Variants in POM121C observed in about 807,000 individuals in gnomAD.
POM121C encodes the protein POM121 transmembrane nucleoporin C, also known as nuclear envelope pore membrane protein POM 121C.
A neutral mutation model predicts 66.4 loss-of-function variants in POM121C; 20 were observed. That is an observed-to-expected ratio of 0.30 (90% CI 0.21 to 0.44). The LOEUF (loss-of-function observed/expected upper bound fraction) is 0.44, where lower values mean the gene tolerates loss of function less well. POM121C is among the 20% of genes least tolerant of loss of function. The pLI, the probability that POM121C is intolerant of heterozygous loss-of-function variation, is 1.00. For missense variants in POM121C, 580 were observed against 1,225.7 expected (o/e 0.47, Z 7.87); for synonymous variants, 286 against 528.0 (o/e 0.54, Z 6.28).
chr7:75,484,991 A>G (rs1313067880), intron 1 of POM121C, among the ~76,000 whole-genome samples: 1 of 151,242 alleles, frequency 6.6e-6, no homozygotes, highest in Non-Finnish European at 1.5e-5. Context: ...GGGACCACAG[A>G]TGCATCCCAG....
At chr7:75,446,726 T>C (rs1173561467) in intron 3 of POM121C, among the ~76,000 whole-genome samples, 3 of 151,766 alleles carry the variant, frequency 2.0e-5, no homozygotes, top group Admixed American at 1.3e-4. Flanking sequence ...GAATAAAAAA[T>C]TGGCTGGGCG....
In POM121C at chr7:75,416,976, G is replaced by A. The variant is rs1379707110; in HGVS notation, c.*1820C>T. The A allele has an allele frequency of 1.3e-5, 18 of 1,350,320 alleles. No individual in the cohort carries two copies. Among genetic ancestry groups the A allele is most frequent in the Admixed American group, 6.3e-5 (2 of 31,704 alleles). 83.6% of individuals were successfully genotyped at this position (1,350,320 alleles called of 1,614,324 possible). A position where few individuals can be genotyped will look rare whatever the true frequency, so the allele number is the denominator to read the frequency against. ...CACTCTCACTCAGGGTTCCCGGACC[G>A]GCTGTCCTGCCTGCGGAACTGAGGT... is the stretch of plus-strand genomic sequence containing the variant. On this transcript the variant is annotated 3_prime_UTR_variant, in exon 15 of 15. Coordinates refer to ENST00000615331, the MANE Select transcript of POM121C (RefSeq NM_001099415.3).
rs2116326261 is a variant in POM121C, at chr7:75,421,889, G to T, written c.2363C>A (p.Ala788Asp). 6.2e-7 allele frequency: 1 copy of T among 1,612,388 alleles called. No individual in the cohort carries two copies. The highest frequency in any genetic ancestry group is 1.1e-5 in the South Asian group (1 of 91,044). ...KATASAFGAPASSQPAFGGST... is the reference protein window; with the variant it reads ...KATASAFGAPDSSQPAFGGST... ...GCCGCCAAAGGCGGGCTGTGAGCTG[G>T]CGGGAGCGCCGAAGGCGGAAGCCGT... Residue 788 changes from alanine (A) to aspartate (D), a missense_variant, in exon 13 of 15, where the codon GCC becomes GAC. Coordinates refer to ENST00000615331, the MANE Select transcript of POM121C (RefSeq NM_001099415.3).
Position 75,474,803 on chromosome 7 carries a change from T to G in POM121C, c.-251A>C, listed in dbSNP as rs1332410091. The G allele has an allele frequency of 7.7e-7, 1 of 1,306,576 alleles. No individual in the cohort carries two copies. The highest frequency in any genetic ancestry group is 1.1e-6 in the Non-Finnish European group (1 of 919,532). 80.9% of individuals were successfully genotyped at this position (1,306,576 alleles called of 1,614,324 possible). ...TTTGGCTTGGTGATATCATATCTTG[T>G]TAATGGGAAAAGAAGAAGGACTTGG... On this transcript the variant is annotated 5_prime_UTR_variant, in exon 3 of 15. It removes the in-frame stop codon of an upstream open reading frame in the 5' UTR. Transcript: ENST00000615331.
At chr7:75,470,083 T>G (rs1473501774) in intron 3 of POM121C, among the ~76,000 whole-genome samples, 3 of 151,772 alleles carry the variant, frequency 2.0e-5, no homozygotes, top group Non-Finnish European at 4.4e-5. Context: ...TTCTGGCTAA[T>G]TTTTGTATTT....
intron 7 of POM121C, among the ~76,000 whole-genome samples, chr7:75,434,855 G>A (rs1554472888): frequency 3.9e-5 from 6 of 152,250 alleles, no homozygotes; most frequent in Admixed American, 1.3e-4. Flanking sequence ...GATTACAGGC[G>A]TGAGCCTCCA....
At position 75,460,957 on chromosome 7, in the gene POM121C, C is replaced by T. The variant is rs587742822; in HGVS notation, c.-152+13747G>A. ...AGAGACAAAATCCTCCTCTGCCCCA[C>T]CCCATTTAAAGCCATCTATTTAAGG... On this transcript the variant is annotated intron_variant, in intron 3 of 14. Coordinates refer to ENST00000615331, the MANE Select transcript of POM121C (RefSeq NM_001099415.3). 3.7e-3 allele frequency among the ~76,000 whole-genome samples: 560 copies of T among 152,216 alleles called. 6 individuals are homozygous for T. The highest frequency in any genetic ancestry group is 0.013 in the African/African-American group (529 of 41,472).
At position 75,448,858 on chromosome 7, in the gene POM121C, C is replaced by T. The variant is rs587758379; in HGVS notation, c.-151-7211G>A. ...ACTCTGAAAAACAGCCAAAGCCTTA[C>T]AACAACCAAATGAATGCTGAATCAA... On this transcript the variant is annotated intron_variant, in intron 3 of 14. Transcript: ENST00000615331. Among the ~76,000 whole-genome samples the T allele has an allele frequency of 4.3e-3, 639 of 149,032 alleles. 17 individuals carry two copies. The highest frequency in any genetic ancestry group is 0.038 in the Admixed American group (564 of 15,004).
intron 3 of POM121C, among the ~76,000 whole-genome samples, chr7:75,460,341 G>C (rs1554476851): frequency 6.7e-6 from 1 of 149,382 alleles, no homozygotes; most frequent in Non-Finnish European, 1.5e-5. Flanking sequence ...AAAAGAATAA[G>C]AAAAAAAAAG....
chr7:75,459,647 GA>G (rs1791382450), intron 3 of POM121C, among the ~76,000 whole-genome samples: 1 of 143,716 alleles, frequency 7.0e-6, no homozygotes, highest in Non-Finnish European at 1.5e-5. Flanking sequence ...AATCCAGAGA[GA>G]TTTTTTTTCA....
In POM121C at chr7:75,469,385, A is replaced by T. The variant is rs190173017; in HGVS notation, c.-152+5319T>A. On this transcript the variant is annotated intron_variant, in intron 3 of 14. Coordinates refer to ENST00000615331, the MANE Select transcript of POM121C (RefSeq NM_001099415.3). ...AGTGCTCAGATTACAGGCCTGAGCCACCACACCTGGCCAGGTCTACTTTCA... is the reference window on the plus strand; with the variant it reads ...AGTGCTCAGATTACAGGCCTGAGCCTCCACACCTGGCCAGGTCTACTTTCA... 3.2e-3 allele frequency among the ~76,000 whole-genome samples: 482 copies of T among 152,266 alleles called. 3 individuals are homozygous for T. The highest frequency in any genetic ancestry group is 9.4e-3 in the African/African-American group (390 of 41,562).
At position 75,421,982 on chromosome 7, in the gene POM121C, G is replaced by A. The variant is rs782221497; in HGVS notation, c.2270C>T (p.Ala757Val). The change falls in exon 13 of 15, where the codon GCG becomes GTG. Residue 757 changes from alanine to valine, a missense_variant. By Grantham distance (64) the Ala-to-Val change is moderately conservative (BLOSUM62 0). Coordinates refer to ENST00000615331, the MANE Select transcript of POM121C (RefSeq NM_001099415.3). Reference sequence around the variant, plus strand: ...AGGCTGGATGGGCGTAGGCACGTGCGCAGGCACGATCTTGATCGTGGACGC... The same window carrying A: ...AGGCTGGATGGGCGTAGGCACGTGCACAGGCACGATCTTGATCGTGGACGC... ...APASTIKIVP[A>V]HVPTPIQPTF... is the part of the protein sequence containing the mutation. 30 of 1,612,298 alleles carry A rather than the reference G, an allele frequency of 1.9e-5. No individual in the cohort carries two copies. The African/African-American group carries it at 2.2e-4, about 12-fold the overall frequency.
At chr7:75,484,609 C>A (rs1554480601) in intron 1 of POM121C, among the ~76,000 whole-genome samples, 1 of 135,256 alleles carries the variant, frequency 7.4e-6, no homozygotes, top group Admixed American at 8.7e-5. Context: ...GTGGAAGTTG[C>A]AGTGAGCCGA....
intron 3 of POM121C, among the ~76,000 whole-genome samples, chr7:75,463,432 G>C (rs1211126951): frequency 6.7e-6 from 1 of 150,308 alleles, no homozygotes; most frequent in African/African-American, 2.4e-5. Context: ...CACAAAGATG[G>C]AAAGAGCTGG....
intron 7 of POM121C, among the ~76,000 whole-genome samples, chr7:75,436,709 C>T (rs1554473059): frequency 1.3e-5 from 2 of 152,154 alleles, no homozygotes; most frequent in Admixed American, 6.6e-5. Context: ...ATTGCAACAG[C>T]ACTTCAGAGA....
chr7:75,451,049 A>G (rs2116447280), intron 3 of POM121C, among the ~76,000 whole-genome samples: 1 of 152,298 alleles, frequency 6.6e-6, no homozygotes, highest in African/African-American at 2.4e-5. Context: ...AAATGGAAAC[A>G]CATTCCATGC....
At chr7:75,428,215 C>T (rs1563139877) in intron 7 of POM121C, among the ~76,000 whole-genome samples, 1 of 152,082 alleles carries the variant, frequency 6.6e-6, no homozygotes, top group African/African-American at 2.4e-5. Flanking sequence ...TCTCACCTCA[C>T]TGCAACCTCC....
At chr7:75,431,196 A>T (rs1333938236) in intron 7 of POM121C, among the ~76,000 whole-genome samples, 1 of 152,154 alleles carries the variant, frequency 6.6e-6, no homozygotes, top group African/African-American at 2.4e-5. Flanking sequence ...TGCAAATTAA[A>T]ACCACAATGA....
intron 3 of POM121C, among the ~76,000 whole-genome samples, chr7:75,450,258 A>C (rs1164768932): frequency 6.6e-6 from 1 of 151,746 alleles, no homozygotes; most frequent in Non-Finnish European, 1.5e-5. Flanking sequence ...AGACTTCCTA[A>C]ATCCGAGAAG....
Sources: gnomAD v4.1 joint callset for allele counts (sites outside exome capture counted in the v4.1 genomes callset) on GRCh38, gnomAD v4.1.1 for gene constraint, MANE v1.5 for transcripts, NCBI Gene and HGNC (gene_info 2026-07-23, HGNC 2026-07-21) for gene names.